The following C3orf20 variants were observed in gnomAD, a reference collection of about 807,000 sequenced individuals.
C3orf20 encodes the protein uncharacterized protein C3orf20.
In C3orf20, 76 loss-of-function variants were observed where a neutral mutation model predicts 88.3. The observed-to-expected ratio is 0.86, with a 90% CI of 0.72 to 1.04. The LOEUF is 1.04. C3orf20 is among the 50% of genes least tolerant of loss of function. The pLI is 0.00. For missense variants in C3orf20, 1,056 were observed against 1,123.3 expected (o/e 0.94, Z 0.86); for synonymous variants, 436 against 437.4 (o/e 1.00, Z 0.04).
intron 9 of C3orf20, among the ~76,000 whole-genome samples, chr3:14,715,981 CTT>C (rs1429808121): frequency 7.7e-6 from 1 of 129,184 alleles, no homozygotes; most frequent in Non-Finnish European, 1.7e-5. Flanking sequence ...AATTAATAAA[CTT>C]ATTAATAAAG....
intron 5 of C3orf20, 53 bp from the exon 6 acceptor site, chr3:14,703,077 G>C (rs958702654): frequency 5.0e-6 from 8 of 1,600,228 alleles, no homozygotes; most frequent in African/African-American, 1.3e-5. Context: ...GATGCAAAAG[G>C]TGGGTTCCCA....
intron 12 of C3orf20, among the ~76,000 whole-genome samples, chr3:14,738,979 C>T (rs1425778005): frequency 4.0e-5 from 6 of 149,770 alleles, no homozygotes; most frequent in East Asian, 3.9e-4. Flanking sequence ...TTAGTAGAGA[C>T]GGGGTTTCGC....
chr3:14,748,969 T>A (rs549235677), intron 12 of C3orf20, among the ~76,000 whole-genome samples: 4 of 152,204 alleles, frequency 2.6e-5, no homozygotes, highest in Non-Finnish European at 5.9e-5. Flanking sequence ...TAGTTCTAGT[T>A]GGTTTATAAT....
chr3:14,689,602 A>T (rs2032612512), intron 4 of C3orf20, among the ~76,000 whole-genome samples: 1 of 152,192 alleles, frequency 6.6e-6, no homozygotes. Flanking sequence ...GAAGCATCTG[A>T]TGTCTGTGGC....
chr3:14,684,226 T>C lies in C3orf20; in HGVS notation c.485-16T>C, dbSNP rs745475039. ...ATGCTAGGAGGGACACGTGTTGCTT[T>C]CTATCATTGCTTTAGTGGGTGCCAA... On this transcript the variant is annotated splice_polypyrimidine_tract_variant and intron_variant, in intron 3 of 16. Coordinates refer to ENST00000253697, the MANE Select transcript of C3orf20 (RefSeq NM_032137.5). The C allele has an allele frequency of 3.1e-6, 5 of 1,613,246 alleles. No individual in the cohort carries two copies. The African/African-American group carries it at 6.7e-5, about 22-fold the overall frequency.
chr3:14,765,802 C>T (rs1320794055), intron 15 of C3orf20, among the ~76,000 whole-genome samples: 1 of 152,194 alleles, frequency 6.6e-6, no homozygotes, highest in East Asian at 1.9e-4. Context: ...CAATGTGGGC[C>T]TGGAATCTGT....
chr3:14,679,886 A>G (rs747792078), intron 1 of C3orf20, among the ~76,000 whole-genome samples: 17 of 152,372 alleles, frequency 1.1e-4, no homozygotes, highest in Admixed American at 2.0e-4. Flanking sequence ...TCAAAAAAAG[A>G]TATAAAATGG....
At chr3:14,692,635 C>T (rs983871321) in intron 5 of C3orf20, among the ~76,000 whole-genome samples, 1 of 152,004 alleles carries the variant, frequency 6.6e-6, no homozygotes, top group Non-Finnish European at 1.5e-5. Context: ...ATATTCTCGT[C>T]TGGTCAAATG....
At chr3:14,696,119 G>GTTT (rs35824281) in intron 5 of C3orf20, among the ~76,000 whole-genome samples, 2 of 143,948 alleles carry the variant, frequency 1.4e-5, no homozygotes, top group Non-Finnish European at 3.0e-5. Context: ...TAAATTTCTT[G>GTTT]TTTTTTTTTT....
rs576711228 is a variant in C3orf20, at chr3:14,691,223, C to T, written c.745+1107C>T. On this transcript the variant is annotated intron_variant, in intron 5 of 16. Transcript: ENST00000253697. ...TAGCTTCAGCGGCCGCCACACCTTCCTGACTGCTCTACCTGTGTTGATGTG... is the reference window on the plus strand; with the variant it reads ...TAGCTTCAGCGGCCGCCACACCTTCTTGACTGCTCTACCTGTGTTGATGTG... Among the ~76,000 whole-genome samples the T allele has an allele frequency of 6.0e-4, 91 of 152,352 alleles. 1 individual carries two copies. The South Asian group carries it at 0.016, about 26-fold the overall frequency.
intron 8 of C3orf20, 42 bp downstream of exon 8, chr3:14,714,201 T>C (rs2033860770): frequency 2.5e-6 from 4 of 1,604,042 alleles, no homozygotes; most frequent in Middle Eastern, 1.9e-4. Context: ...GAAGTACCTC[T>C]GAGGGTGATG....
At position 14,682,648 on chromosome 3, in the gene C3orf20, G is replaced by T. The variant is rs146350290; in HGVS notation, c.-66G>T. The T allele has an allele frequency of 3.3e-6, 5 of 1,537,470 alleles. No individual in the cohort carries two copies. In the African/African-American group the frequency reaches 4.1e-5, roughly 13 times the overall value. ...TTCTGTCCATCTCCAAGCCTTCACCGTAGGGAAGAACTTTTGCTCTCAGTC... is the reference window on the plus strand; with the variant it reads ...TTCTGTCCATCTCCAAGCCTTCACCTTAGGGAAGAACTTTTGCTCTCAGTC... On this transcript the variant is annotated 5_prime_UTR_variant, in exon 3 of 17. Coordinates refer to ENST00000253697, the MANE Select transcript of C3orf20 (RefSeq NM_032137.5).
intron 1 of C3orf20, 57 bp downstream of exon 1, chr3:14,675,309 GAA>G (rs2031699202): frequency 6.6e-6 from 1 of 152,260 alleles, no homozygotes. Flanking sequence ...GAGAGTAGAT[GAA>G]ACTACTGCAG....
chr3:14,705,743 C>T (rs2124940719), intron 7 of C3orf20, among the ~76,000 whole-genome samples: 1 of 152,320 alleles, frequency 6.6e-6, no homozygotes, highest in Non-Finnish European at 1.5e-5. Context: ...TTCCAGGTTA[C>T]ACAGTCTAGA....
At chr3:14,711,773 G>T (rs2033750078) in intron 7 of C3orf20, among the ~76,000 whole-genome samples, 1 of 151,360 alleles carries the variant, frequency 6.6e-6, no homozygotes, top group African/African-American at 2.4e-5. Context: ...TTTTTGATTA[G>T]AGAGTTTAAT....
chr3:14,737,800 C>G (rs373917302), intron 12 of C3orf20, among the ~76,000 whole-genome samples: 8 of 152,290 alleles, frequency 5.3e-5, no homozygotes, highest in African/African-American at 1.4e-4. Flanking sequence ...GGAGTCAGTC[C>G]TCTCAAACTC....
chr3:14,767,443 A>G (rs1419556169), intron 15 of C3orf20: 2 of 152,258 alleles, frequency 1.3e-5, no homozygotes, highest in African/African-American at 4.8e-5. Context: ...GTGATGCCAC[A>G]AACCTGGCCT....
At chr3:14,771,194 C>A (rs1056091724) in intron 15 of C3orf20, among the ~76,000 whole-genome samples, 3 of 152,256 alleles carry the variant, frequency 2.0e-5, no homozygotes, top group African/African-American at 7.2e-5. Context: ...AGAACACAGC[C>A]ATCTGTGATG....
chr3:14,717,751 A>G (rs938947354), intron 9 of C3orf20, among the ~76,000 whole-genome samples: 6 of 152,062 alleles, frequency 3.9e-5, no homozygotes, highest in Non-Finnish European at 8.8e-5. Flanking sequence ...CTTGAAGTGC[A>G]TATCTTCTGG....
Sources: allele counts gnomAD v4.1 joint callset (sites outside exome capture counted in the v4.1 genomes callset), GRCh38; gene constraint gnomAD v4.1.1; transcripts MANE v1.5; gene names NCBI Gene and HGNC (gene_info 2026-07-23, HGNC 2026-07-21).